TBC1D1: variants seen among roughly 807,000 people sequenced by gnomAD.
TBC1D1 encodes TBC1 (tre-2/USP6, BUB2, cdc16) domain family, member 1.
In TBC1D1, 89 loss-of-function variants were observed where a neutral mutation model predicts 125.6. The ratio of observed to expected loss-of-function variants is 0.71; its 90% CI spans 0.60 to 0.85. TBC1D1 has a LOEUF of 0.85. TBC1D1 is among the 40% of genes least tolerant of loss of function. The pLI is 0.00. For missense variants in TBC1D1, 1,377 were observed against 1,469.2 expected, an observed-to-expected ratio of 0.94 and a Z score of 1.03; for synonymous variants, 565 against 564.1, an observed-to-expected ratio of 1.00 and a Z score of -0.02.
chr4:38,039,104 C>CTTTTTT (rs776941680), intron 8 of TBC1D1, among the ~76,000 whole-genome samples: 654 of 51,570 alleles, frequency 0.013, 215 homozygotes, highest in East Asian at 0.064. Context: ...GCATCATACT[C>CTTTTTT]TTTTTTTTTT....
At chr4:38,049,495 A>G in intron 10 of TBC1D1, 123 bp from the exon 11 acceptor site, 1 of 1,195,178 alleles carries the variant, frequency 8.4e-7, no homozygotes, top group Admixed American at 2.5e-5. Context: ...GGTGGCTTCT[A>G]GATGGCATTA....
Position 37,924,425 on chromosome 4 carries a change from T to G in TBC1D1, c.417+21913T>G, listed in dbSNP as rs181393830. 2.8e-4 allele frequency among the ~76,000 whole-genome samples: 42 copies of G among 152,348 alleles called. No homozygotes were observed. In the East Asian group the frequency reaches 7.3e-3, roughly 27 times the overall value. On this transcript the variant is annotated intron_variant, in intron 2 of 19. Transcript: ENST00000261439. ...TTTTAACCATTTTTAGGTGTGCAGT[T>G]CAGTGGCATCAGTATATTCACTGTG... is the stretch of plus-strand genomic sequence containing the variant.
chr4:37,956,664 T>G (rs147314558), intron 2 of TBC1D1, among the ~76,000 whole-genome samples: 1 of 152,198 alleles, frequency 6.6e-6, no homozygotes, highest in Non-Finnish European at 1.5e-5. Context: ...AAGTGGAGTG[T>G]AGCCGGGCAC....
intron 7 of TBC1D1, among the ~76,000 whole-genome samples, chr4:38,034,741 G>T (rs1406770708): frequency 6.6e-6 from 1 of 152,186 alleles, no homozygotes; most frequent in African/African-American, 2.4e-5. Flanking sequence ...CATAAAAAAA[G>T]ATGTATTTTC....
At chr4:38,055,325 T>C (rs1349955644) in intron 12 of TBC1D1, among the ~76,000 whole-genome samples, 1 of 152,186 alleles carries the variant, frequency 6.6e-6, no homozygotes, top group East Asian at 1.9e-4. Flanking sequence ...AATCCCAGCT[T>C]TTCCCCTTAG....
At chr4:38,040,078 A>AT (rs1175165351) in intron 8 of TBC1D1, among the ~76,000 whole-genome samples, 2 of 152,262 alleles carry the variant, frequency 1.3e-5, no homozygotes. Context: ...TTTAAATGCA[A>AT]TTTTTTAAAC....
At chr4:37,947,909 G>A (rs1427200184) in intron 2 of TBC1D1, among the ~76,000 whole-genome samples, 1 of 151,858 alleles carries the variant, frequency 6.6e-6, no homozygotes, top group African/African-American at 2.4e-5. Flanking sequence ...TTAAAACAAA[G>A]GTAGTACCCC....
chr4:37,968,890 C>T (rs896388060), intron 2 of TBC1D1, among the ~76,000 whole-genome samples: 8 of 152,214 alleles, frequency 5.3e-5, no homozygotes, highest in Middle Eastern at 3.4e-3. Context: ...GAAAGTGTGG[C>T]GGGCAAGTGA....
At chr4:37,996,968 C>T (rs1292517948) in intron 2 of TBC1D1, among the ~76,000 whole-genome samples, 3 of 152,208 alleles carry the variant, frequency 2.0e-5, no homozygotes, top group African/African-American at 7.2e-5. Flanking sequence ...AAGATTTGGA[C>T]AAAGGCACTG....
intron 19 of TBC1D1, among the ~76,000 whole-genome samples, chr4:38,133,571 G>A (rs750249039): frequency 3.3e-5 from 5 of 152,158 alleles, no homozygotes; most frequent in Non-Finnish European, 5.9e-5. Flanking sequence ...AATGCCAGCC[G>A]TTGTCATTAC....
At chr4:37,919,664 A>G (rs1029218215) in intron 2 of TBC1D1, among the ~76,000 whole-genome samples, 1 of 152,238 alleles carries the variant, frequency 6.6e-6, no homozygotes, top group Admixed American at 6.5e-5. Context: ...TAGTTTAGAT[A>G]TATGAGCTTC....
At chr4:37,919,339 T>TG (rs1188159133) in intron 2 of TBC1D1, among the ~76,000 whole-genome samples, 11 of 136,594 alleles carry the variant, frequency 8.1e-5, no homozygotes, top group Admixed American at 6.5e-4. Context: ...GGTTTGTTTT[T>TG]GTTTTTTTTT....
chr4:38,081,339 G>A (rs1578597973), intron 12 of TBC1D1, among the ~76,000 whole-genome samples: 2 of 152,230 alleles, frequency 1.3e-5, no homozygotes, highest in East Asian at 1.9e-4. Context: ...TTGGAACTGA[G>A]CATTGACAGA....
chr4:38,134,044 T>G (rs1053639932), intron 19 of TBC1D1, among the ~76,000 whole-genome samples: 1 of 152,202 alleles, frequency 6.6e-6, no homozygotes, highest in Non-Finnish European at 1.5e-5. Context: ...TGTGTAGCAG[T>G]GCTGTCCCTG....
At chr4:38,131,358 C>T (rs1344727723) in intron 18 of TBC1D1, among the ~76,000 whole-genome samples, 1 of 152,154 alleles carries the variant, frequency 6.6e-6, no homozygotes, top group Non-Finnish European at 1.5e-5. Context: ...ACATGAGTGC[C>T]AAACAATCTC....
intron 12 of TBC1D1, among the ~76,000 whole-genome samples, chr4:38,079,670 A>G (rs767740237): frequency 2.0e-5 from 3 of 152,066 alleles, no homozygotes; most frequent in South Asian, 2.1e-4. Context: ...GGAGGTTGCA[A>G]TGAGCCAAGA....
At chr4:38,052,774 C>A (rs1207821727) in intron 11 of TBC1D1, among the ~76,000 whole-genome samples, 2 of 136,598 alleles carry the variant, frequency 1.5e-5, no homozygotes, top group Admixed American at 1.5e-4. Context: ...AGGATAACAT[C>A]TGTGTTTGAT....
At chr4:38,022,933 G>A (rs1744339786) in intron 6 of TBC1D1, among the ~76,000 whole-genome samples, 2 of 152,182 alleles carry the variant, frequency 1.3e-5, no homozygotes, top group Non-Finnish European at 2.9e-5. Flanking sequence ...CATTTCTCAT[G>A]TTTGTAGAAT....
intron 2 of TBC1D1, among the ~76,000 whole-genome samples, chr4:37,926,166 A>C (rs1256323144): frequency 6.6e-6 from 1 of 152,230 alleles, no homozygotes; most frequent in East Asian, 1.9e-4. Flanking sequence ...ATACAGGAAG[A>C]CCTTTCTAGT....
Sources: gnomAD v4.1 joint callset for allele counts (sites outside exome capture counted in the v4.1 genomes callset) on GRCh38, gnomAD v4.1.1 for gene constraint, MANE v1.5 for transcripts, NCBI Gene and HGNC (gene_info 2026-07-23, HGNC 2026-07-21) for gene names.